The following NLRP14 variants were observed in gnomAD, a reference collection of about 807,000 sequenced individuals.
The protein encoded by NLRP14 is NACHT, LRR and PYD domains-containing protein 14.
A neutral mutation model predicts 94.7 loss-of-function variants in NLRP14; 105 were observed. The observed-to-expected ratio is 1.11, with a 90% CI of 0.95 to 1.30. The LOEUF is 1.30. NLRP14 is among the 50% of genes most tolerant of loss of function. The probability of loss-of-function intolerance (pLI) is 0.00; values close to 1 mark genes in which losing one functional copy is unlikely to be tolerated. For synonymous variants in NLRP14, 508 were observed against 459.9 expected, an observed-to-expected ratio of 1.10 and a Z score of -1.34; for missense variants, 1,362 against 1,254.1, an observed-to-expected ratio of 1.09 and a Z score of -1.30.
chr11:7,076,394 T>A (rs1852874148), downstream of NLRP14, among the ~76,000 whole-genome samples: 1 of 152,224 alleles, frequency 6.6e-6, no homozygotes, highest in South Asian at 2.1e-4. Flanking sequence ...TGTGAATTTT[T>A]ATTGCATTAT....
At chr11:7,040,252 G>C (rs1348398834) in intron 3 of NLRP14, among the ~76,000 whole-genome samples, 1 of 152,098 alleles carries the variant, frequency 6.6e-6, no homozygotes, top group Admixed American at 6.5e-5. Context: ...CCTACTGGTC[G>C]GCGGCCCCTC....
At chr11:7,059,837 A>T (rs1298185651) in intron 8 of NLRP14, 57 bp from the exon 9 acceptor site, 2 of 1,420,320 alleles carry the variant, frequency 1.4e-6, no homozygotes, top group African/African-American at 2.8e-5. Flanking sequence ...TCAGAGAAAG[A>T]AATCTCTGGA....
intron 9 of NLRP14, 108 bp from the exon 10 acceptor site, chr11:7,062,225 T>G: frequency 1.1e-6 from 1 of 915,076 alleles, no homozygotes; most frequent in Non-Finnish European, 1.8e-6. Flanking sequence ...GGATTGTAGA[T>G]AGAAAAGAGT....
chr11:7,047,998 G>A (rs1447579270), intron 5 of NLRP14, among the ~76,000 whole-genome samples: 4 of 151,194 alleles, frequency 2.6e-5, no homozygotes, highest in East Asian at 3.9e-4. Flanking sequence ...GACCTCAAGT[G>A]ATCTACCCAT....
In NLRP14 at chr11:7,038,808, G is replaced by A. The variant is rs377042925; in HGVS notation, c.222G>A (p.Val74=). Reference sequence around the variant, plus strand: ...ATCCAGGAGAGAAAGCCTGGAGTGTGTCTCTCAAAATCTTTGGCAAGATGA... The same window carrying A: ...ATCCAGGAGAGAAAGCCTGGAGTGTATCTCTCAAAATCTTTGGCAAGATGA... The part of the protein sequence containing the change: ...KYYPGEKAWS[V]SLKIFGKMNL... Residue 74 remains valine (V), a synonymous_variant, in exon 2 of 12, where the codon GTG becomes GTA. Coordinates refer to ENST00000299481, the MANE Select transcript of NLRP14 (RefSeq NM_176822.4). 7 of 1,612,888 alleles carry A rather than the reference G, an allele frequency of 4.3e-6. No homozygotes were observed. Among genetic ancestry groups the A allele is most frequent in the Non-Finnish European group, 5.9e-6 (7 of 1,179,716 alleles).
At chr11:7,076,412 A>G (rs778458621), downstream of NLRP14, among the ~76,000 whole-genome samples, 6 of 151,910 alleles carry the variant, frequency 3.9e-5, no homozygotes, top group African/African-American at 4.8e-5. Flanking sequence ...TATTTCTGCT[A>G]TCTTTAAATT....
chr11:7,029,028 T>C (rs751832130), intron 1 of NLRP14, among the ~76,000 whole-genome samples: 6 of 152,144 alleles, frequency 3.9e-5, no homozygotes, highest in African/African-American at 9.7e-5. Context: ...AATTTAATTA[T>C]GCAGCATGAA....
intron 1 of NLRP14, among the ~76,000 whole-genome samples, chr11:7,031,121 C>A (rs1401380152): frequency 6.6e-6 from 1 of 152,214 alleles, no homozygotes; most frequent in East Asian, 1.9e-4. Context: ...AGAGTGCGTT[C>A]CCCTTTCTGG....
chr11:7,066,059 T>G (rs1852700585), intron 10 of NLRP14, among the ~76,000 whole-genome samples: 1 of 152,224 alleles, frequency 6.6e-6, no homozygotes, highest in African/African-American at 2.4e-5. Context: ...TATGGCTGCA[T>G]AGTATTCCAT....
rs895238569 is a variant in NLRP14 at position 7,059,825 on chromosome 11, C to T, written c.2634-69C>T. On this transcript the variant is annotated intron_variant, in intron 8 of 11. Coordinates refer to ENST00000299481, the MANE Select transcript of NLRP14 (RefSeq NM_176822.4). The stretch of plus-strand genomic sequence containing the variant: ...GATAAGGGATCAAATCATGAAATCT[C>T]TTCAGAGAAAGAAATCTCTGGACAG... The T allele has an allele frequency of 6.7e-6, 9 of 1,340,168 alleles. No individual in the cohort carries two copies. In the African/African-American group the frequency reaches 1.3e-4, roughly 19 times the overall value. The allele number at this position is 1,340,168 out of a possible 1,614,324, so 83.0% of individuals were successfully genotyped here. A position where few individuals can be genotyped will look rare whatever the true frequency, so the allele number is the denominator to read the frequency against.
At chr11:7,048,813 A>G (rs901014649) in intron 5 of NLRP14, among the ~76,000 whole-genome samples, 1 of 152,110 alleles carries the variant, frequency 6.6e-6, no homozygotes, top group African/African-American at 2.4e-5. Flanking sequence ...CATCAGTGGG[A>G]TGACACCATG....
At chr11:7,089,844 G>A in the NLRP14 span, 6 of 1,611,630 alleles carry the variant, frequency 3.7e-6, no homozygotes, top group Non-Finnish European at 5.1e-6. Context: ...CACCCACCGC[G>A]ATTACGGCCA....
chr11:7,058,535 T>G, intron 8 of NLRP14, 85 bp downstream of exon 8: 2 of 1,038,484 alleles, frequency 1.9e-6, no homozygotes, highest in Non-Finnish European at 2.9e-6. Flanking sequence ...GAACACATTC[T>G]GTCCCTTGCT....
intron 1 of NLRP14, among the ~76,000 whole-genome samples, chr11:7,028,071 T>G (rs778068974): frequency 1.2e-4 from 18 of 151,982 alleles, no homozygotes; most frequent in Non-Finnish European, 2.4e-4. Context: ...GGAATGATCT[T>G]CCATGGCTTT....
rs1851901073 is a variant in NLRP14 at position 7,020,520 on chromosome 11, G to A, written c.-272G>A. On this transcript the variant is annotated 5_prime_UTR_variant, in exon 1 of 12. Coordinates refer to ENST00000299481, the MANE Select transcript of NLRP14 (RefSeq NM_176822.4). The stretch of plus-strand genomic sequence containing the variant: ...GAGCTGCGGGCGCTCGGGGGATAAG[G>A]CGAGGACGCACCAGCATTAATGGAA... The A allele has an allele frequency of 6.6e-6, 1 of 152,374 alleles. No individual in the cohort carries two copies. The highest frequency in any genetic ancestry group is 1.5e-5 in the Non-Finnish European group (1 of 68,152). The allele number at this position is 152,374 out of a possible 1,614,324, so 9.4% of individuals were successfully genotyped here. A position where few individuals can be genotyped will look rare whatever the true frequency, so the allele number is the denominator to read the frequency against.
intron 1 of NLRP14, among the ~76,000 whole-genome samples, chr11:7,025,551 G>T (rs760537727): frequency 6.6e-6 from 1 of 152,102 alleles, no homozygotes; most frequent in Non-Finnish European, 1.5e-5. Context: ...TAAATTATTA[G>T]TCATTATGCT....
chr11:7,059,438 G>T (rs574480265), intron 8 of NLRP14, among the ~76,000 whole-genome samples: 3 of 151,480 alleles, frequency 2.0e-5, no homozygotes, highest in African/African-American at 4.9e-5. Context: ...AATTTATTTT[G>T]TTATAAGGCT....
the NLRP14 span, chr11:7,089,814 G>GC: frequency 6.2e-7 from 1 of 1,607,060 alleles, no homozygotes; most frequent in Non-Finnish European, 8.5e-7. Flanking sequence ...CCGGGGTTTT[G>GC]CCCCCTCGCC....
chr11:7,026,288 T>C (rs965055294), intron 1 of NLRP14, among the ~76,000 whole-genome samples: 15 of 152,194 alleles, frequency 9.9e-5, no homozygotes, highest in Admixed American at 9.2e-4. Flanking sequence ...GAATCTACAA[T>C]GAACTCAAAC....
Sources: allele counts gnomAD v4.1 joint callset (sites outside exome capture counted in the v4.1 genomes callset), GRCh38; gene constraint gnomAD v4.1.1; transcripts MANE v1.5; gene names NCBI Gene and HGNC (gene_info 2026-07-23, HGNC 2026-07-21).